Variants in TPRG1 observed in about 807,000 individuals in gnomAD.
TPRG1 encodes the protein tumor protein p63-regulated gene 1 protein.
Under a neutral mutation model 29.3 loss-of-function variants are expected in TPRG1, and 29 were observed. That is an observed-to-expected ratio of 0.99 (90% CI 0.74 to 1.35). The LOEUF (loss-of-function observed/expected upper bound fraction) is 1.35, where lower values mean the gene tolerates loss of function less well. Among genes scored for constraint, TPRG1 ranks in the 40% most tolerant of loss-of-function variants. TPRG1 has a pLI of 0.00. For synonymous variants in TPRG1, 130 were observed against 116.8 expected, an observed-to-expected ratio of 1.11 and a Z score of -0.73; for missense variants, 327 against 335.0, an observed-to-expected ratio of 0.98 and a Z score of 0.19.
intron 1 of TPRG1, among the ~76,000 whole-genome samples, chr3:189,173,167 G>A (rs1729032477): frequency 6.6e-6 from 1 of 151,756 alleles, no homozygotes; most frequent in Non-Finnish European, 1.5e-5. Context: ...CTTAGTTGTG[G>A]AAGGAAATGT....
intron 4 of TPRG1, among the ~76,000 whole-genome samples, chr3:189,038,925 T>G (rs1714457412): frequency 1.3e-5 from 2 of 152,242 alleles, no homozygotes; most frequent in Admixed American, 1.3e-4. Context: ...AGACTCATTT[T>G]ACACCCATCA....
chr3:189,234,571 G>A (rs984739592), intron 3 of TPRG1, among the ~76,000 whole-genome samples: 3 of 152,154 alleles, frequency 2.0e-5, no homozygotes, highest in Non-Finnish European at 4.4e-5. Context: ...ACGTTATTTT[G>A]TGGGGTACTA....
intron 3 of TPRG1, among the ~76,000 whole-genome samples, chr3:189,134,656 A>G (rs1010304099): frequency 9.9e-5 from 15 of 152,170 alleles, no homozygotes; most frequent in Non-Finnish European, 1.5e-4. Flanking sequence ...GCCTCAAGCA[A>G]TCGTCTTTCC....
At chr3:189,123,049 C>A (rs568648310) in intron 1 of TPRG1, among the ~76,000 whole-genome samples, 1 of 152,194 alleles carries the variant, frequency 6.6e-6, no homozygotes, top group Non-Finnish European at 1.5e-5. Flanking sequence ...AATGAGTGAG[C>A]TTGCCTTCTC....
chr3:189,262,453 T>C (rs1007415619), intron 4 of TPRG1, among the ~76,000 whole-genome samples: 1 of 152,084 alleles, frequency 6.6e-6, no homozygotes, highest in Non-Finnish European at 1.5e-5. Context: ...AAGTGTCATC[T>C]GTTGAGCACT....
At chr3:189,031,404 G>A (rs1384338854) in intron 4 of TPRG1, among the ~76,000 whole-genome samples, 1 of 152,124 alleles carries the variant, frequency 6.6e-6, no homozygotes, top group African/African-American at 2.4e-5. Context: ...CATGGCATAT[G>A]TATGCATGAT....
intron 4 of TPRG1, among the ~76,000 whole-genome samples, chr3:189,269,756 T>G (rs1326878721): frequency 2.0e-5 from 3 of 152,252 alleles, no homozygotes; most frequent in East Asian, 3.8e-4. Flanking sequence ...CATTTTACAG[T>G]GGTCTTAGGG....
intron 2 of TPRG1, among the ~76,000 whole-genome samples, chr3:189,211,003 T>C (rs1355129836): frequency 3.3e-5 from 5 of 152,164 alleles, no homozygotes; most frequent in African/African-American, 1.2e-4. Context: ...TTAGAAAATG[T>C]AAATAAGCAA....
Position 189,310,579 on chromosome 3 carries a change from T to C in TPRG1, c.633+40T>C, listed in dbSNP as rs769850341. On this transcript the variant is annotated intron_variant, in intron 5 of 5. Coordinates refer to ENST00000345063, the MANE Select transcript of TPRG1 (RefSeq NM_198485.4). ...GGGTATTACTCTCAGATTAGCTTTG[T>C]TGCTGGAGCTATGTGCTTCTAGGGA... 10 of 1,542,190 alleles carry C rather than the reference T, an allele frequency of 6.5e-6. No homozygotes were observed. In the African/African-American group the frequency reaches 1.4e-4, roughly 21 times the overall value.
At chr3:189,190,714 A>G (rs923689438) in intron 1 of TPRG1, among the ~76,000 whole-genome samples, 1 of 152,204 alleles carries the variant, frequency 6.6e-6, no homozygotes, top group Admixed American at 6.5e-5. Context: ...CAGGCCTGGC[A>G]TCAATGTGCA....
Position 189,302,009 on chromosome 3 carries a change from A to G in TPRG1, c.480-8377A>G, listed in dbSNP as rs569101271. ...TTGCTCACATGTAGCTCAACTGGAC[A>G]TAAATACAGTCACCACAAATATACA... On this transcript the variant is annotated intron_variant, in intron 4 of 5. Coordinates refer to ENST00000345063, the MANE Select transcript of TPRG1 (RefSeq NM_198485.4). Among the ~76,000 whole-genome samples, 4 of 152,352 alleles carry G rather than the reference A, an allele frequency of 2.6e-5. No homozygotes were observed. In the South Asian group the frequency reaches 8.3e-4, roughly 32 times the overall value.
Position 189,258,747 on chromosome 3 carries a change from C to T in TPRG1, c.479+19838C>T, listed in dbSNP as rs998311657. On this transcript the variant is annotated intron_variant, in intron 4 of 5. Transcript: ENST00000345063. ...AGGCAGTCTGGCTACAGCAGTTTTG[C>T]GGCGCTGCAGTGGGCTCCATCCAGT... is the stretch of plus-strand genomic sequence containing the variant. Among the ~76,000 whole-genome samples, 7 of 152,138 alleles carry T rather than the reference C, an allele frequency of 4.6e-5. No homozygotes were observed. The East Asian group carries it at 5.8e-4, about 13-fold the overall frequency.
intron 5 of TPRG1, among the ~76,000 whole-genome samples, chr3:189,155,564 G>A (rs550939103): frequency 3.5e-4 from 53 of 152,156 alleles, no homozygotes; most frequent in African/African-American, 1.2e-3. Flanking sequence ...TAGAAGTCAG[G>A]TATGGAAGTG....
intron 4 of TPRG1, among the ~76,000 whole-genome samples, chr3:189,059,863 TA>T (rs1189706414): frequency 6.6e-6 from 1 of 152,202 alleles, no homozygotes; most frequent in Non-Finnish European, 1.5e-5. Context: ...ATTCATCACA[TA>T]ATAAAGACAA....
chr3:189,297,628 T>A (rs1348806619), intron 4 of TPRG1, among the ~76,000 whole-genome samples: 1 of 152,204 alleles, frequency 6.6e-6, no homozygotes, highest in East Asian at 1.9e-4. Context: ...GTGATTCAGA[T>A]GCTCATTAGA....
rs188257743 is a variant in TPRG1, at chr3:189,287,560, G to A, written c.480-22826G>A. Among the ~76,000 whole-genome samples, 222 of 152,040 alleles carry A rather than the reference G, an allele frequency of 1.5e-3. 2 individuals carry two copies. Among genetic ancestry groups the A allele is most frequent in the Non-Finnish European group, 1.9e-4 (13 of 67,952 alleles). ...CTACAGGCGCCCACCACCACACCTG[G>A]CTAATTTTTTGTATTTTTAGTAGAG... On this transcript the variant is annotated intron_variant, in intron 4 of 5. Transcript: ENST00000345063.
At chr3:189,103,561 G>A (rs539820282) in intron 1 of TPRG1, among the ~76,000 whole-genome samples, 5 of 152,310 alleles carry the variant, frequency 3.3e-5, no homozygotes, top group Admixed American at 3.3e-4. Flanking sequence ...TCATGAGACA[G>A]AGACTGTATG....
chr3:189,254,373 G>A (rs1331440438), intron 4 of TPRG1, among the ~76,000 whole-genome samples: 1 of 152,066 alleles, frequency 6.6e-6, no homozygotes, highest in Non-Finnish European at 1.5e-5. Context: ...CTGTTTCATT[G>A]GTCTATATAT....
intron 3 of TPRG1, among the ~76,000 whole-genome samples, chr3:189,227,762 G>A (rs942889047): frequency 3.3e-5 from 5 of 152,118 alleles, no homozygotes; most frequent in Admixed American, 2.6e-4. Context: ...CTATGGTCAC[G>A]CCACTGGCCT....
Sources: allele counts gnomAD v4.1 joint callset (sites outside exome capture counted in the v4.1 genomes callset), GRCh38; gene constraint gnomAD v4.1.1; transcripts MANE v1.5; gene names NCBI Gene and HGNC (gene_info 2026-07-23, HGNC 2026-07-21).